The following CNTNAP2 variants were observed in gnomAD, a reference collection of about 807,000 sequenced individuals.
CNTNAP2 encodes the protein contactin-associated protein-like 2.
Under a neutral mutation model 155.2 loss-of-function variants are expected in CNTNAP2, and 98 were observed. That is an observed-to-expected ratio of 0.63 (90% CI 0.54 to 0.75). The LOEUF is 0.75. CNTNAP2 is among the 30% of genes least tolerant of loss of function. The probability of loss-of-function intolerance (pLI) is 0.00; values close to 1 mark genes in which losing one functional copy is unlikely to be tolerated. For synonymous variants in CNTNAP2, 651 were observed against 631.2 expected, an observed-to-expected ratio of 1.03 and a Z score of -0.47; for missense variants, 1,727 against 1,688.1, an observed-to-expected ratio of 1.02 and a Z score of -0.40.
At chr7:147,350,793 A>G (rs1795955007) in intron 9 of CNTNAP2, among the ~76,000 whole-genome samples, 1 of 151,948 alleles carries the variant, frequency 6.6e-6, no homozygotes, top group African/African-American at 2.4e-5. Flanking sequence ...CACTGAAAAT[A>G]GGAACTATTT....
At chr7:147,569,046 T>C (rs1800231976) in intron 12 of CNTNAP2, among the ~76,000 whole-genome samples, 1 of 152,208 alleles carries the variant, frequency 6.6e-6, no homozygotes, top group African/African-American at 2.4e-5. Flanking sequence ...GCATTCTTCC[T>C]AGCCCTGGTT....
rs557499173 is a variant in CNTNAP2, at chr7:146,497,094, G to T, written c.98-277177G>T. Among the ~76,000 whole-genome samples the T allele has an allele frequency of 1.8e-4, 28 of 152,254 alleles. No individual in the cohort carries two copies. In the South Asian group the frequency reaches 3.9e-3, roughly 21 times the overall value. ...TTACAATTGTGAAAACTGAGGCTCA[G>T]AGTGAACAACGTGTCAGTCTCTGCT... On this transcript the variant is annotated intron_variant, in intron 1 of 23. Coordinates refer to ENST00000361727, the MANE Select transcript of CNTNAP2 (RefSeq NM_014141.6).
chr7:146,685,870 G>T (rs1228692829), intron 1 of CNTNAP2, among the ~76,000 whole-genome samples: 1 of 152,122 alleles, frequency 6.6e-6, no homozygotes, highest in Non-Finnish European at 1.5e-5. Context: ...GCTGAAAGAG[G>T]AAAACATTCA....
Position 146,839,839 on chromosome 7 carries a change from T to A in CNTNAP2, c.337T>A (p.Tyr113Asn). The A allele has an allele frequency of 6.2e-7, 1 of 1,614,064 alleles. No homozygotes were observed. The highest frequency in any genetic ancestry group is 8.5e-7 in the Non-Finnish European group (1 of 1,180,006). Residue 113 changes from tyrosine to asparagine, a missense_variant, in exon 3 of 24, where the codon TAC (tyrosine) becomes AAC (asparagine). Physicochemically the swap from Tyr to Asn is moderately radical, Grantham distance 143. Transcript: ENST00000361727. ...RYSSSDWVTQYRMLYSDTGRN... is the reference protein window; with the variant it reads ...RYSSSDWVTQNRMLYSDTGRN... ...TAGCAGCTCAGATTGGGTGACCCAA[T>A]ACCGGATGCTCTACAGCGACACAGG...
intron 3 of CNTNAP2, among the ~76,000 whole-genome samples, chr7:146,981,237 A>G (rs922318517): frequency 2.6e-5 from 4 of 152,182 alleles, no homozygotes; most frequent in African/African-American, 9.7e-5. Context: ...CTGCTCCCAA[A>G]GAGTTATAAC....
chr7:147,218,589 T>C (rs1156268461), intron 8 of CNTNAP2, among the ~76,000 whole-genome samples: 1 of 152,096 alleles, frequency 6.6e-6, no homozygotes, highest in Non-Finnish European at 1.5e-5. Flanking sequence ...CTTGTTTAAT[T>C]TCATTCCGGA....
intron 3 of CNTNAP2, among the ~76,000 whole-genome samples, chr7:146,879,224 A>G (rs1205121106): frequency 2.0e-5 from 3 of 152,150 alleles, no homozygotes; most frequent in Non-Finnish European, 4.4e-5. Context: ...AATTCTAGTT[A>G]CTATTATCAA....
At chr7:146,672,556 C>A (rs2129168363) in intron 1 of CNTNAP2, among the ~76,000 whole-genome samples, 1 of 152,238 alleles carries the variant, frequency 6.6e-6, no homozygotes, top group African/African-American at 2.4e-5. Flanking sequence ...GGCAAAGTCA[C>A]ATCACAAAAA....
intron 15 of CNTNAP2, among the ~76,000 whole-genome samples, chr7:147,986,230 A>G (rs1801616289): frequency 6.6e-6 from 1 of 152,058 alleles, no homozygotes; most frequent in South Asian, 2.1e-4. Flanking sequence ...CTGGCCATTA[A>G]TTATAATACA....
chr7:148,348,577 G>A (rs1270801181), intron 21 of CNTNAP2, among the ~76,000 whole-genome samples: 2 of 152,294 alleles, frequency 1.3e-5, no homozygotes, highest in Non-Finnish European at 2.9e-5. Flanking sequence ...CGTGGGCACA[G>A]CCAGCTCTTG....
chr7:146,846,743 AAAT>A (rs928724734), intron 3 of CNTNAP2, among the ~76,000 whole-genome samples: 18 of 152,166 alleles, frequency 1.2e-4, no homozygotes, highest in Non-Finnish European at 2.9e-5. Context: ...TGGAAGATAA[AAAT>A]AAGATGCTGT....
chr7:146,224,991 A>T (rs944527104), intron 1 of CNTNAP2, among the ~76,000 whole-genome samples: 45 of 152,214 alleles, frequency 3.0e-4, no homozygotes, highest in African/African-American at 1.1e-3. Flanking sequence ...AGAAGAAAAA[A>T]AAAATCCTAT....
chr7:147,425,750 T>C (rs1045201334), intron 10 of CNTNAP2, among the ~76,000 whole-genome samples: 10 of 152,178 alleles, frequency 6.6e-5, no homozygotes, highest in Admixed American at 2.0e-4. Context: ...TGAATTTTTT[T>C]GAACTTCTTG....
chr7:148,098,928 C>T lies in CNTNAP2; in HGVS notation c.2384-19190C>T, dbSNP rs370784211. Among the ~76,000 whole-genome samples, 18 of 152,266 alleles carry T rather than the reference C, an allele frequency of 1.2e-4. No individual in the cohort carries two copies. In the East Asian group the frequency reaches 2.7e-3, roughly 23 times the overall value. Reference sequence around the variant, plus strand: ...TGCCAGGGAAGCCCAGAATAAAAGGCTCAGGATGACACAGCCGCATCAACA... The same window carrying T: ...TGCCAGGGAAGCCCAGAATAAAAGGTTCAGGATGACACAGCCGCATCAACA... On this transcript the variant is annotated intron_variant, in intron 15 of 23. Coordinates refer to ENST00000361727, the MANE Select transcript of CNTNAP2 (RefSeq NM_014141.6).
At chr7:147,230,271 T>G (rs533683879) in intron 8 of CNTNAP2, among the ~76,000 whole-genome samples, 45 of 152,232 alleles carry the variant, frequency 3.0e-4, no homozygotes, top group Non-Finnish European at 5.9e-4. Context: ...TATTTATTTA[T>G]TTTTTGAGAC....
At chr7:147,457,161 T>C (rs1463665896) in intron 10 of CNTNAP2, among the ~76,000 whole-genome samples, 1 of 152,112 alleles carries the variant, frequency 6.6e-6, no homozygotes, top group Non-Finnish European at 1.5e-5. Context: ...CACTGTGTCA[T>C]GCTGAGAAAG....
intron 3 of CNTNAP2, among the ~76,000 whole-genome samples, chr7:146,896,260 C>G (rs1433605360): frequency 1.3e-5 from 2 of 152,020 alleles, no homozygotes; most frequent in African/African-American, 2.4e-5. Context: ...CACCCCCAAC[C>G]CATTCCAAAC....
At chr7:148,032,733 A>G (rs1385665960) in intron 15 of CNTNAP2, among the ~76,000 whole-genome samples, 1 of 152,126 alleles carries the variant, frequency 6.6e-6, no homozygotes. Context: ...GAGAGAACCA[A>G]TGAGGAGCCA....
intron 3 of CNTNAP2, among the ~76,000 whole-genome samples, chr7:147,027,004 G>GAAAAAAAAAAAAAACAAAAAAAA (rs57810224): frequency 1.5e-5 from 1 of 67,446 alleles, no homozygotes; most frequent in South Asian, 4.4e-4. Context: ...AAACAGAACA[G>GAAAAAAAAAAAAAACAAAAAAAA]AAAAAAAAAA....
Sources: gnomAD v4.1 joint callset for allele counts (sites outside exome capture counted in the v4.1 genomes callset) on GRCh38, gnomAD v4.1.1 for gene constraint, MANE v1.5 for transcripts, NCBI Gene and HGNC (gene_info 2026-07-23, HGNC 2026-07-21) for gene names.